The following CDK6 variants were observed in gnomAD, a reference collection of about 807,000 sequenced individuals.
The protein encoded by CDK6 is cyclin dependent kinase 6, also known as cyclin-dependent kinase 6.
A neutral mutation model predicts 37.1 loss-of-function variants in CDK6; 6 were observed. That is an observed-to-expected ratio of 0.16 (90% CI 0.09 to 0.32). The LOEUF is 0.32. CDK6 is among the 10% of genes least tolerant of loss of function. The pLI, the probability that CDK6 is intolerant of heterozygous loss-of-function variation, is 1.00. For synonymous variants in CDK6, 160 were observed against 161.3 expected, an observed-to-expected ratio of 0.99 and a Z score of 0.06; for missense variants, 224 against 418.9, an observed-to-expected ratio of 0.53 and a Z score of 4.06.
At chr7:92,790,687 C>A (rs1378522950) in intron 2 of CDK6, among the ~76,000 whole-genome samples, 1 of 151,982 alleles carries the variant, frequency 6.6e-6, no homozygotes, top group African/African-American at 2.4e-5. Context: ...TATTCAAATC[C>A]GCACACACAC....
At chr7:92,634,878 T>C (rs1044757622) in intron 5 of CDK6, among the ~76,000 whole-genome samples, 2 of 152,156 alleles carry the variant, frequency 1.3e-5, no homozygotes, top group African/African-American at 4.8e-5. Context: ...TCCTAAGTGA[T>C]GGATTATCTT....
rs1048238171 is a variant in CDK6, at chr7:92,609,030, G to A, written c.*6110C>T. ...GCTTTAACTGGACTCTAGTTCCTGG[G>A]AGCAGAGGGGCGAATGAGGCGGGGG... is the stretch of plus-strand genomic sequence containing the variant. On this transcript the variant is annotated 3_prime_UTR_variant, in exon 8 of 8. Coordinates refer to ENST00000424848, the MANE Select transcript of CDK6 (RefSeq NM_001145306.2). 2 of 233,530 alleles carry A rather than the reference G, an allele frequency of 8.6e-6. No homozygotes were observed. Among genetic ancestry groups the A allele is most frequent in the African/African-American group, 4.4e-5 (2 of 45,488 alleles). The allele number at this position is 233,530 out of a possible 1,614,324, so 14.5% of individuals were successfully genotyped here.
chr7:92,801,775 T>C (rs191295938), intron 2 of CDK6, among the ~76,000 whole-genome samples: 8 of 152,058 alleles, frequency 5.3e-5, no homozygotes, highest in Admixed American at 2.0e-4. Flanking sequence ...GCGTGCGCCA[T>C]CATGCCTGGC....
rs753745898 is a variant in CDK6, at chr7:92,658,773, TAAATA to T, written c.647+12648_647+12652del. ...TTTTTCGTTTAAATTTTTTTAAAAT[TAAATA>T]AAACTAACAGGCATGGAAATCTCCT... is the stretch of plus-strand genomic sequence containing the variant. On this transcript the variant is annotated intron_variant, in intron 5 of 7. Coordinates refer to ENST00000424848, the MANE Select transcript of CDK6 (RefSeq NM_001145306.2). 2.4e-4 allele frequency among the ~76,000 whole-genome samples: 37 copies of T among 152,310 alleles called. No homozygotes were observed. The East Asian group carries it at 2.7e-3, about 11-fold the overall frequency.
Position 92,767,177 on chromosome 7 carries a change from T to C in CDK6, c.369+7519A>G, listed in dbSNP as rs3802074. 3.7e-3 allele frequency among the ~76,000 whole-genome samples: 567 copies of C among 152,336 alleles called. 8 individuals carry two copies. The East Asian group carries it at 0.066, about 18-fold the overall frequency. Reference sequence around the variant, plus strand: ...TACTAAATAGCTGTTATATTTTTTGTTAGGATACATACACATGCATAATTC... The same window carrying C: ...TACTAAATAGCTGTTATATTTTTTGCTAGGATACATACACATGCATAATTC... On this transcript the variant is annotated intron_variant, in intron 3 of 7. Transcript: ENST00000424848.
At chr7:92,818,024 A>C (rs1801072257) in intron 2 of CDK6, among the ~76,000 whole-genome samples, 1 of 152,010 alleles carries the variant, frequency 6.6e-6, no homozygotes, top group African/African-American at 2.4e-5. Flanking sequence ...ATCAGAAGTC[A>C]GTGTCAATAT....
chr7:92,751,136 G>A (rs963130977), intron 3 of CDK6, among the ~76,000 whole-genome samples: 23 of 152,166 alleles, frequency 1.5e-4, no homozygotes, highest in Admixed American at 5.9e-4. Context: ...GAGGAACAAC[G>A]TCATATAAAA....
chr7:92,763,132 A>G (rs1038211627), intron 3 of CDK6, among the ~76,000 whole-genome samples: 2 of 152,222 alleles, frequency 1.3e-5, no homozygotes, highest in African/African-American at 4.8e-5. Context: ...CACTGGTAAT[A>G]TAAAAATCAG....
intron 2 of CDK6, among the ~76,000 whole-genome samples, chr7:92,782,415 G>A (rs1422790367): frequency 1.3e-5 from 2 of 152,160 alleles, no homozygotes; most frequent in East Asian, 1.9e-4. Flanking sequence ...TGGCAATCTG[G>A]TTTTAACAGC....
rs1423036156 is a variant in CDK6 at position 92,607,462 on chromosome 7, T to C, written c.*7678A>G. ...TTACTTTAATTCCTTTACATAATGA[T>C]AAAACACCTAGATACCCAAAATACT... On this transcript the variant is annotated 3_prime_UTR_variant, in exon 8 of 8. Coordinates refer to ENST00000424848, the MANE Select transcript of CDK6 (RefSeq NM_001145306.2). 4.3e-6 allele frequency: 1 copy of C among 232,886 alleles called. No homozygotes were observed. Among genetic ancestry groups the C allele is most frequent in the Non-Finnish European group, 8.5e-6 (1 of 117,928 alleles). The allele number at this position is 232,886 out of a possible 1,614,324, so 14.4% of individuals were successfully genotyped here.
intron 3 of CDK6, among the ~76,000 whole-genome samples, chr7:92,773,383 G>C (rs993702071): frequency 1.3e-5 from 2 of 152,204 alleles, no homozygotes; most frequent in African/African-American, 4.8e-5. Flanking sequence ...GGCCACCAAG[G>C]TGGAAAATCA....
At chr7:92,662,839 GA>G (rs1414777304) in intron 5 of CDK6, among the ~76,000 whole-genome samples, 1 of 152,184 alleles carries the variant, frequency 6.6e-6, no homozygotes, top group East Asian at 1.9e-4. Flanking sequence ...GAGAAGTTGG[GA>G]GGCTTTGGCG....
chr7:92,693,824 G>T (rs2116646887), intron 4 of CDK6, among the ~76,000 whole-genome samples: 1 of 152,282 alleles, frequency 6.6e-6, no homozygotes, highest in Non-Finnish European at 1.5e-5. Context: ...AGAGAAAAGG[G>T]GGATTTTACA....
At chr7:92,703,186 T>C (rs980756828) in intron 4 of CDK6, among the ~76,000 whole-genome samples, 4 of 151,732 alleles carry the variant, frequency 2.6e-5, no homozygotes, top group African/African-American at 7.3e-5. Flanking sequence ...CTGTGATGGG[T>C]GAGGTGGAAG....
intron 4 of CDK6, among the ~76,000 whole-genome samples, chr7:92,674,540 G>T (rs1234495125): frequency 6.6e-6 from 1 of 152,198 alleles, no homozygotes; most frequent in Non-Finnish European, 1.5e-5. Flanking sequence ...TATTGTTTTT[G>T]CTAAGAAGAG....
rs1358911672 is a variant in CDK6, at chr7:92,605,955, C to G, written c.*9185G>C. 1 of 233,642 alleles carries G rather than the reference C, an allele frequency of 4.3e-6. No individual in the cohort carries two copies. Among genetic ancestry groups the G allele is most frequent in the Non-Finnish European group, 8.5e-6 (1 of 117,998 alleles). 14.5% of individuals were successfully genotyped at this position (233,642 alleles called of 1,614,324 possible). A position where few individuals can be genotyped will look rare whatever the true frequency, so the allele number is the denominator to read the frequency against. On this transcript the variant is annotated 3_prime_UTR_variant, in exon 8 of 8. Transcript: ENST00000424848. ...CATTCTTATAAGACTGTGTCCCAGG[C>G]AGTGAATTTCCACACTGCTTCTTGG...
At chr7:92,766,826 A>T (rs1218998838) in intron 3 of CDK6, among the ~76,000 whole-genome samples, 1 of 152,204 alleles carries the variant, frequency 6.6e-6, no homozygotes, top group Non-Finnish European at 1.5e-5. Context: ...TTTTCTAAAG[A>T]GATTCTAACT....
intron 5 of CDK6, among the ~76,000 whole-genome samples, chr7:92,629,479 A>G (rs1796006012): frequency 6.6e-6 from 1 of 152,150 alleles, no homozygotes; most frequent in African/African-American, 2.4e-5. Flanking sequence ...GAGGATTAAA[A>G]TTAAACTAGA....
chr7:92,740,019 C>T (rs112869098), intron 3 of CDK6, among the ~76,000 whole-genome samples: 8 of 152,282 alleles, frequency 5.3e-5, no homozygotes, highest in African/African-American at 1.9e-4. Context: ...TGGCCTCCCA[C>T]AGCACTGGGA....
Sources: gnomAD v4.1 joint callset for allele counts (sites outside exome capture counted in the v4.1 genomes callset) on GRCh38, gnomAD v4.1.1 for gene constraint, MANE v1.5 for transcripts, NCBI Gene and HGNC (gene_info 2026-07-23, HGNC 2026-07-21) for gene names.